The following ATP8B1 variants were observed in gnomAD, a reference collection of about 807,000 sequenced individuals.
ATP8B1 encodes ATPase phospholipid transporting 8B1, also known as phospholipid-transporting ATPase IC.
ATP8B1 carries 80 observed loss-of-function variants against 149.9 expected under a neutral mutation model. The observed-to-expected ratio is 0.53, with a 90% CI of 0.45 to 0.64. The LOEUF (loss-of-function observed/expected upper bound fraction) is 0.64. Among genes scored for constraint, ATP8B1 ranks in the 30% least tolerant of loss-of-function variants. ATP8B1 has a pLI of 0.00. For missense variants in ATP8B1, 1,247 were observed against 1,552.6 expected, an observed-to-expected ratio of 0.80 and a Z score of 3.31; for synonymous variants, 536 against 562.8, an observed-to-expected ratio of 0.95 and a Z score of 0.67.
chr18:57,714,511 G>A (rs1913904559), intron 2 of ATP8B1, among the ~76,000 whole-genome samples: 1 of 151,228 alleles, frequency 6.6e-6, no homozygotes, highest in Admixed American at 6.6e-5. Context: ...TGGCCATATT[G>A]GTGCTTGTAT....
At chr18:57,791,763 C>T (rs997957823) in intron 1 of ATP8B1, among the ~76,000 whole-genome samples, 1 of 152,148 alleles carries the variant, frequency 6.6e-6, no homozygotes, top group South Asian at 2.1e-4. Context: ...TAAAGTAGGT[C>T]TTCATTATTC....
intron 11 of ATP8B1, among the ~76,000 whole-genome samples, chr18:57,692,380 A>G (rs1374448725): frequency 6.6e-6 from 1 of 151,646 alleles, no homozygotes; most frequent in Non-Finnish European, 1.5e-5. Context: ...ACTTCCAACA[A>G]GGCTGAACTG....
chr18:57,797,661 C>A (rs949255193), intron 1 of ATP8B1, among the ~76,000 whole-genome samples: 30 of 151,424 alleles, frequency 2.0e-4, no homozygotes, highest in Non-Finnish European at 8.8e-5. Flanking sequence ...GACAAGGTCC[C>A]AAGCAGGAAG....
At chr18:57,760,446 G>C (rs2080137913) in intron 1 of ATP8B1, among the ~76,000 whole-genome samples, 1 of 152,102 alleles carries the variant, frequency 6.6e-6, no homozygotes, top group Admixed American at 6.5e-5. Flanking sequence ...CCCCTCTGTG[G>C]CCAGCCTATC....
intron 11 of ATP8B1, among the ~76,000 whole-genome samples, chr18:57,694,349 C>T (rs755108577): frequency 3.9e-5 from 6 of 151,902 alleles, no homozygotes; most frequent in South Asian, 2.1e-4. Context: ...ACCCTACAAC[C>T]GAAATTTCCC....
At chr18:57,792,992 T>C (rs2080478732) in intron 1 of ATP8B1, among the ~76,000 whole-genome samples, 1 of 152,206 alleles carries the variant, frequency 6.6e-6, no homozygotes, top group Non-Finnish European at 1.5e-5. Flanking sequence ...CTCTTTTTTC[T>C]AACAATGTTC....
rs886043876 is a variant in ATP8B1, at chr18:57,648,639, A to G, written c.3605T>C (p.Val1202Ala). ...GGCGTAGGCCGAGCGCCGCGTTGAC[A>G]CGCCCCGGCGGAACACCTGCTGCCG... ...QRRQQVFRRG[V>A]STRRSAYAFS... Residue 1202 changes from valine to alanine, a missense_variant, in exon 28 of 28, where the codon GTG becomes GCG. By Grantham distance (64) the Val-to-Ala change is moderately conservative. Around this residue, in one of 3 missense-constraint regions of ATP8B1, gnomAD observed 164 missense variants for 160.3 expected, o/e 1.02. Coordinates refer to ENST00000648908, the MANE Select transcript of ATP8B1 (RefSeq NM_001374385.1). 4 of 1,597,230 alleles carry G rather than the reference A, an allele frequency of 2.5e-6. No homozygotes were observed. In the African/African-American group the frequency reaches 4.0e-5, roughly 16 times the overall value.
rs774810322 is a variant in ATP8B1, at chr18:57,655,219, G to T, written c.2906C>A (p.Ser969Tyr). The change falls in exon 23 of 28, where the codon TCC becomes TAC. Residue 969 changes from serine to tyrosine, a missense_variant. Transcript: ENST00000648908. ...FAFTLVHFWY[S>Y]FFNGYSAQTA... ...CTGCGCAGAGTAGCCATTGAAGAAG[G>T]AGTACCAGAAATGAACCAAAGTAAA... The T allele has an allele frequency of 1.2e-6, 2 of 1,612,720 alleles. No homozygotes were observed. The highest frequency in any genetic ancestry group is 1.7e-6 in the Non-Finnish European group (2 of 1,178,678).
chr18:57,699,898 A>C (rs1471175380), intron 6 of ATP8B1, among the ~76,000 whole-genome samples: 2 of 152,120 alleles, frequency 1.3e-5, no homozygotes, highest in African/African-American at 4.8e-5. Flanking sequence ...ACTGGTAAAG[A>C]GGAGCTCTGG....
intron 22 of ATP8B1, among the ~76,000 whole-genome samples, chr18:57,658,512 A>G (rs895441040): frequency 1.3e-5 from 2 of 152,236 alleles, no homozygotes; most frequent in East Asian, 3.8e-4. Flanking sequence ...ATGGTGGGTC[A>G]TGATTCCTTC....
At chr18:57,697,960 A>G in intron 6 of ATP8B1, 93 bp from the exon 7 acceptor site, 1 of 1,211,760 alleles carries the variant, frequency 8.3e-7, no homozygotes, top group Non-Finnish European at 1.2e-6. Context: ...TCTGGAAAAT[A>G]TGCAAGTCAC....
At position 57,803,231 on chromosome 18, in the gene ATP8B1, C is replaced by G. The variant is rs1040223305; in HGVS notation, c.-259G>C. The G allele has an allele frequency of 1.7e-4, 26 of 152,540 alleles. No homozygotes were observed. The highest frequency in any genetic ancestry group is 6.0e-4 in the African/African-American group (25 of 41,476). The allele number at this position is 152,540 out of a possible 1,614,324, so 9.4% of individuals were successfully genotyped here. ...CCCCCGCCTTTCCCCGCCCCGCGTCCGTGCACCCTTCCTCTGCAGCCGCCC... is the reference window on the plus strand; with the variant it reads ...CCCCCGCCTTTCCCCGCCCCGCGTCGGTGCACCCTTCCTCTGCAGCCGCCC... On this transcript the variant is annotated 5_prime_UTR_variant, in exon 1 of 28. Coordinates refer to ENST00000648908, the MANE Select transcript of ATP8B1 (RefSeq NM_001374385.1).
chr18:57,745,234 T>C (rs952653390), intron 1 of ATP8B1, among the ~76,000 whole-genome samples: 1 of 152,162 alleles, frequency 6.6e-6, no homozygotes, highest in African/African-American at 2.4e-5. Flanking sequence ...CAGAGCCTTT[T>C]CCAACAGGAA....
At chr18:57,656,708 A>G in intron 22 of ATP8B1, among the ~76,000 whole-genome samples, 1 of 149,772 alleles carries the variant, frequency 6.7e-6, no homozygotes, top group East Asian at 2.0e-4. Context: ...GAAGATTTCT[A>G]AGGGGCAGAG....
intron 1 of ATP8B1, among the ~76,000 whole-genome samples, chr18:57,778,458 C>A (rs1006083050): frequency 6.6e-6 from 1 of 151,912 alleles, no homozygotes; most frequent in Non-Finnish European, 1.5e-5. Context: ...TCTTGAGCTC[C>A]TGACCTCGTG....
chr18:57,692,153 C>G (rs187398731), intron 11 of ATP8B1, among the ~76,000 whole-genome samples, 156 bp from the exon 12 acceptor site: 6 of 152,168 alleles, frequency 3.9e-5, no homozygotes, highest in Non-Finnish European at 8.8e-5. Flanking sequence ...ACTATCATAA[C>G]GCTTTGAAAG....
At chr18:57,795,371 C>A (rs545731216) in intron 1 of ATP8B1, among the ~76,000 whole-genome samples, 122 of 152,094 alleles carry the variant, frequency 8.0e-4, no homozygotes, top group African/African-American at 2.1e-3. Context: ...CCACTGCACT[C>A]CAGCCTGGGC....
chr18:57,792,521 T>G (rs571497055), intron 1 of ATP8B1, among the ~76,000 whole-genome samples: 2 of 152,188 alleles, frequency 1.3e-5, no homozygotes, highest in South Asian at 4.1e-4. Context: ...ACGATTCCAT[T>G]TACATAAAAT....
In ATP8B1 at chr18:57,668,554, TAAAA is replaced by T. The variant is rs34422185; in HGVS notation, c.2098-18_2098-15del. 56 of 644,872 alleles carry T rather than the reference TAAAA, an allele frequency of 8.7e-5. 2 individuals carry two copies. The highest frequency in any genetic ancestry group is 1.2e-4 in the Admixed American group (3 of 25,998). 39.9% of individuals were successfully genotyped at this position (644,872 alleles called of 1,614,324 possible). A position where few individuals can be genotyped will look rare whatever the true frequency, so the allele number is the denominator to read the frequency against. On this transcript the variant is annotated splice_polypyrimidine_tract_variant and intron_variant, in intron 18 of 27. Transcript: ENST00000648908. Reference sequence around the variant, plus strand: ...AGCTCCCAGGAGCTAGAATGTATATTAAAAAAAAAAAAAAAAGGAATTAGCAAAC... The same window carrying T: ...AGCTCCCAGGAGCTAGAATGTATATTAAAAAAAAAAAAGGAATTAGCAAAC...
Sources: allele counts gnomAD v4.1 joint callset (sites outside exome capture counted in the v4.1 genomes callset), GRCh38; gene constraint gnomAD v4.1.1; regional missense constraint gnomAD v4.1.1; transcripts MANE v1.5; gene names NCBI Gene and HGNC (gene_info 2026-07-23, HGNC 2026-07-21).